The following RFX3 variants were observed in gnomAD, a reference collection of about 807,000 sequenced individuals.
The protein encoded by RFX3 is regulatory factor X3, also known as transcription factor RFX3.
Under a neutral mutation model 98.6 loss-of-function variants are expected in RFX3, and 14 were observed. The ratio of observed to expected loss-of-function variants is 0.14; its 90% CI spans 0.09 to 0.22. The LOEUF (loss-of-function observed/expected upper bound fraction) is 0.22, where lower values mean the gene tolerates loss of function less well. Among genes scored for constraint, RFX3 ranks in the 10% least tolerant of loss-of-function variants. RFX3 has a pLI of 1.00. For missense variants in RFX3, 639 were observed against 926.9 expected, an observed-to-expected ratio of 0.69 and a Z score of 4.03; for synonymous variants, 383 against 328.4, an observed-to-expected ratio of 1.17 and a Z score of -1.80.
chr9:3,264,343 C>G (rs966519554), intron 12 of RFX3, among the ~76,000 whole-genome samples: 2 of 151,986 alleles, frequency 1.3e-5, no homozygotes, highest in Non-Finnish European at 2.9e-5. Context: ...GTATTGCACT[C>G]AATCACTATA....
At chr9:3,504,930 TATATA>T (rs1471075836) in intron 1 of RFX3, among the ~76,000 whole-genome samples, 1,135 of 69,456 alleles carry the variant, frequency 0.016, 16 homozygotes, top group Non-Finnish European at 0.021. Flanking sequence ...ACATATATTA[TATATA>T]ATATATATAA....
rs375419615 is a variant in RFX3, at chr9:3,266,295, G to T, written c.1368C>A (p.Thr456=). The part of the protein sequence containing the change: ...DVLRPIPSAL[T]QAIRNFAKSL... ...TTTTTGCAAAATTTCGAATGGCTTG[G>T]GTCAAGGCACCTAAACATTAAAGAA... The change falls in exon 12 of 17, where the codon ACC becomes ACA. Residue 456 remains threonine, a synonymous_variant. Transcript: ENST00000617270. 58 of 1,606,426 alleles carry T rather than the reference G, an allele frequency of 3.6e-5. No homozygotes were observed. The highest frequency in any genetic ancestry group is 4.5e-5 in the Non-Finnish European group (53 of 1,174,478).
At chr9:3,521,894 T>C (rs1818749999) in intron 1 of RFX3, among the ~76,000 whole-genome samples, 1 of 152,192 alleles carries the variant, frequency 6.6e-6, no homozygotes, top group South Asian at 2.1e-4. Context: ...TGTGTACTTT[T>C]TCTGGATTCA....
At position 3,350,112 on chromosome 9, in the gene RFX3, T is replaced by C. The variant is rs145575343; in HGVS notation, c.118-3348A>G. ...AAGGTGTAATTCATGGAACAAATAA[T>C]TCACAAGCTGGATTTCATTAAATGG... is the stretch of plus-strand genomic sequence containing the variant. On this transcript the variant is annotated intron_variant, in intron 2 of 16. Coordinates refer to ENST00000617270, the MANE Select transcript of RFX3 (RefSeq NM_001282116.2). Among the ~76,000 whole-genome samples, 553 of 152,174 alleles carry C rather than the reference T, an allele frequency of 3.6e-3. 4 individuals carry two copies. Among genetic ancestry groups the C allele is most frequent in the African/African-American group, 0.013 (529 of 41,528 alleles).
At chr9:3,478,145 G>T (rs144030189) in intron 1 of RFX3, among the ~76,000 whole-genome samples, 2 of 151,654 alleles carry the variant, frequency 1.3e-5, no homozygotes, top group African/African-American at 4.8e-5. Flanking sequence ...GCTCCCACAG[G>T]GACTTTTTTT....
In RFX3 at chr9:3,365,069, G is replaced by C. The variant is rs1013694285; in HGVS notation, c.118-18305C>G. Among the ~76,000 whole-genome samples, 4 of 152,102 alleles carry C rather than the reference G, an allele frequency of 2.6e-5. No individual in the cohort carries two copies. In the East Asian group the frequency reaches 7.8e-4, roughly 29 times the overall value. On this transcript the variant is annotated intron_variant, in intron 2 of 16. Coordinates refer to ENST00000617270, the MANE Select transcript of RFX3 (RefSeq NM_001282116.2). ...GTAATCCCAGCACTTCGGGAGGCCG[G>C]GACAGGTGGATCACAAGGTCAGGAG...
In RFX3 at chr9:3,228,073, G is replaced by A. The variant is rs1182636556; in HGVS notation, c.2011+774C>T. 2.6e-5 allele frequency among the ~76,000 whole-genome samples: 4 copies of A among 152,048 alleles called. No individual in the cohort carries two copies. The South Asian group carries it at 8.3e-4, about 32-fold the overall frequency. On this transcript the variant is annotated intron_variant, in intron 16 of 16. Transcript: ENST00000617270. ...CACCTCAAGAGACCTCCCACCCTCC[G>A]CCACCTTTTAAAAGAAAGGGCTCTG...
At chr9:3,450,381 T>C (rs1846473203) in intron 1 of RFX3, among the ~76,000 whole-genome samples, 1 of 151,038 alleles carries the variant, frequency 6.6e-6, no homozygotes, top group Non-Finnish European at 1.5e-5. Flanking sequence ...TGTTTTTCTC[T>C]CTTTTTTTTG....
At chr9:3,398,600 T>G (rs1841141178) in intron 1 of RFX3, among the ~76,000 whole-genome samples, 1 of 152,146 alleles carries the variant, frequency 6.6e-6, no homozygotes, top group South Asian at 2.1e-4. Flanking sequence ...CAGTTATAGC[T>G]TCTCCTTTAA....
At chr9:3,475,114 G>GAAAGAA (rs1849118540) in intron 1 of RFX3, among the ~76,000 whole-genome samples, 1 of 143,678 alleles carries the variant, frequency 7.0e-6, no homozygotes, top group Non-Finnish European at 1.5e-5. Flanking sequence ...AAAAAAAAAA[G>GAAAGAA]AAAGAAAAAG....
intron 1 of RFX3, among the ~76,000 whole-genome samples, chr9:3,397,868 A>G (rs902129108): frequency 6.6e-6 from 1 of 152,228 alleles, no homozygotes; most frequent in African/African-American, 2.4e-5. Flanking sequence ...TAACAACTCA[A>G]TGCAGTTGGT....
At chr9:3,469,912 T>TTA (rs1848627783) in intron 1 of RFX3, among the ~76,000 whole-genome samples, 1 of 151,994 alleles carries the variant, frequency 6.6e-6, no homozygotes, top group Non-Finnish European at 1.5e-5. Context: ...GGAAGCCTTT[T>TTA]CGAAGTACAC....
intron 1 of RFX3, among the ~76,000 whole-genome samples, chr9:3,466,287 C>A (rs1848210727): frequency 6.6e-6 from 1 of 152,104 alleles, no homozygotes; most frequent in African/African-American, 2.4e-5. Context: ...TAGCCAAAAT[C>A]AAAGCAAAAA....
At chr9:3,511,770 G>A (rs940061296) in intron 1 of RFX3, among the ~76,000 whole-genome samples, 1 of 152,122 alleles carries the variant, frequency 6.6e-6, no homozygotes, top group Admixed American at 6.5e-5. Context: ...TACTGTCCCT[G>A]GACTTTCTCC....
At chr9:3,509,290 G>A (rs1462882041) in intron 1 of RFX3, among the ~76,000 whole-genome samples, 3 of 151,810 alleles carry the variant, frequency 2.0e-5, no homozygotes, top group Non-Finnish European at 1.5e-5. Flanking sequence ...TTTTACTTTT[G>A]TTCCACAAAA....
At chr9:3,457,224 A>AAT (rs1397464511) in intron 1 of RFX3, among the ~76,000 whole-genome samples, 4 of 150,894 alleles carry the variant, frequency 2.7e-5, no homozygotes, top group Non-Finnish European at 5.9e-5. Context: ...AAAATAGGAG[A>AAT]ATTCTACCTT....
intron 1 of RFX3, among the ~76,000 whole-genome samples, chr9:3,481,655 G>A (rs1469855815): frequency 6.6e-6 from 1 of 151,792 alleles, no homozygotes; most frequent in Non-Finnish European, 1.5e-5. Context: ...GTGCATTATG[G>A]ATCACAAATT....
At chr9:3,418,526 C>A (rs1390615739) in intron 1 of RFX3, among the ~76,000 whole-genome samples, 1 of 151,920 alleles carries the variant, frequency 6.6e-6, no homozygotes, top group Non-Finnish European at 1.5e-5. Context: ...ATTACAGGCA[C>A]CCACCACCAT....
At chr9:3,433,876 A>T (rs1055353210) in intron 1 of RFX3, among the ~76,000 whole-genome samples, 1 of 152,150 alleles carries the variant, frequency 6.6e-6, no homozygotes, top group Non-Finnish European at 1.5e-5. Context: ...TTGCCTGTGA[A>T]AGCAGTCATA....
Sources: allele counts gnomAD v4.1 joint callset (sites outside exome capture counted in the v4.1 genomes callset), GRCh38; gene constraint gnomAD v4.1.1; transcripts MANE v1.5; gene names NCBI Gene and HGNC (gene_info 2026-07-23, HGNC 2026-07-21).